Variants in TNS3 observed in about 807,000 individuals in gnomAD.
TNS3 encodes the protein tensin 3.
In TNS3, 45 loss-of-function variants were observed where a neutral mutation model predicts 140.9. The ratio of observed to expected loss-of-function variants is 0.32; its 90% confidence interval spans 0.25 to 0.41. The LOEUF is 0.41. Among genes scored for constraint, TNS3 ranks in the 10% least tolerant of loss-of-function variants. The probability of loss-of-function intolerance (pLI) is 1.00; values close to 1 mark genes in which losing one functional copy is unlikely to be tolerated. For missense variants in TNS3, 1,716 were observed against 1,906.7 expected (o/e 0.90, Z 1.86); for synonymous variants, 815 against 788.4 (o/e 1.03, Z -0.56).
At chr7:47,395,499 G>C (rs1792776829) in intron 16 of TNS3, among the ~76,000 whole-genome samples, 1 of 152,206 alleles carries the variant, frequency 6.6e-6, no homozygotes. Context: ...TGATCAAAAA[G>C]TTTGATAACT....
chr7:47,574,590 C>G (rs897278716), intron 1 of TNS3, among the ~76,000 whole-genome samples: 1 of 151,578 alleles, frequency 6.6e-6, no homozygotes, highest in African/African-American at 2.4e-5. Context: ...AGTGTATCAA[C>G]AGATGAATGG....
At chr7:47,487,057 G>A (rs1038907219) in intron 3 of TNS3, among the ~76,000 whole-genome samples, 1 of 152,178 alleles carries the variant, frequency 6.6e-6, no homozygotes, top group East Asian at 1.9e-4. Context: ...CCAGCACTTT[G>A]GGAGGCCCAG....
chr7:47,304,840 C>A lies in TNS3; in HGVS notation c.2814G>T (p.Arg938Ser). ...AAGATCCATCTTCTTACCTCTCTCT[C>A]CTCTGCCCAGGGCCGTTGCTGGAAA... ...CTISSNGPGQ[R>S]RESSSSAERQ... Residue 938 changes from arginine (R) to serine (S), a missense_variant, in exon 21 of 31, where the codon AGG becomes AGT. Coordinates refer to ENST00000311160, the MANE Select transcript of TNS3 (RefSeq NM_022748.12). 7.3e-7 allele frequency: 1 copy of A among 1,363,412 alleles called. No individual in the cohort carries two copies. 84.5% of individuals were successfully genotyped at this position (1,363,412 alleles called of 1,614,324 possible).
intron 24 of TNS3, among the ~76,000 whole-genome samples, chr7:47,295,658 G>A (rs984087729): frequency 1.3e-5 from 2 of 152,108 alleles, no homozygotes; most frequent in Non-Finnish European, 2.9e-5. Context: ...CACAGGCTTC[G>A]GGGCTGAGCT....
intron 20 of TNS3, among the ~76,000 whole-genome samples, chr7:47,338,952 C>T (rs1788787067): frequency 6.6e-6 from 1 of 152,136 alleles, no homozygotes; most frequent in African/African-American, 2.4e-5. Context: ...AATTCACATT[C>T]CCTCCAACAG....
chr7:47,510,463 G>A (rs1048200120), intron 2 of TNS3, among the ~76,000 whole-genome samples: 6 of 152,292 alleles, frequency 3.9e-5, no homozygotes, highest in South Asian at 2.1e-4. Context: ...ACTCCTAGCA[G>A]ACAAAATGCA....
At chr7:47,402,834 C>T (rs1420649982) in intron 13 of TNS3, among the ~76,000 whole-genome samples, 1 of 152,154 alleles carries the variant, frequency 6.6e-6, no homozygotes, top group Admixed American at 6.5e-5. Flanking sequence ...GCCAGTCTTG[C>T]TCTCAAATTT....
At chr7:47,506,588 G>T (rs1221440668) in intron 3 of TNS3, among the ~76,000 whole-genome samples, 3 of 152,040 alleles carry the variant, frequency 2.0e-5, no homozygotes, top group Non-Finnish European at 4.4e-5. Context: ...TCTCTCCACC[G>T]AGAGGCAGTA....
intron 17 of TNS3, among the ~76,000 whole-genome samples, chr7:47,354,604 C>T (rs984638097): frequency 6.7e-6 from 1 of 149,858 alleles, no homozygotes; most frequent in African/African-American, 2.5e-5. Flanking sequence ...AGTTCCCAGC[C>T]AGGAAAAAAA....
At chr7:47,281,754 G>C (rs150360871) in intron 28 of TNS3, among the ~76,000 whole-genome samples, 1 of 152,270 alleles carries the variant, frequency 6.6e-6, no homozygotes, top group Non-Finnish European at 1.5e-5. Context: ...CTCTGACAAG[G>C]GCACATAGAA....
intron 16 of TNS3, among the ~76,000 whole-genome samples, chr7:47,373,272 C>A (rs1402760042): frequency 6.6e-6 from 1 of 152,190 alleles, no homozygotes; most frequent in Non-Finnish European, 1.5e-5. Context: ...TCAGGCTGTT[C>A]AGTTTCCTGG....
chr7:47,537,114 C>T (rs892379073), intron 1 of TNS3, among the ~76,000 whole-genome samples: 2 of 151,844 alleles, frequency 1.3e-5, no homozygotes, highest in South Asian at 2.1e-4. Context: ...TCATGGCTGC[C>T]CCTGCCGCCC....
At chr7:47,472,425 G>C (rs1436581283) in intron 4 of TNS3, among the ~76,000 whole-genome samples, 1 of 152,208 alleles carries the variant, frequency 6.6e-6, no homozygotes, top group Admixed American at 6.5e-5. Context: ...ACTGGGAAAG[G>C]AGCCCATTGG....
rs1369816089 is a variant in TNS3 at position 47,303,603 on chromosome 7, G to A, written c.2823-19C>T. 1.3e-5 allele frequency: 20 copies of A among 1,567,240 alleles called. No individual in the cohort carries two copies. Among genetic ancestry groups the A allele is most frequent in the East Asian group, 2.3e-5 (1 of 43,380 alleles). On this transcript the variant is annotated intron_variant, in intron 21 of 30. Coordinates refer to ENST00000311160, the MANE Select transcript of TNS3 (RefSeq NM_022748.12). ...AGAGGAGCTGTTCAAAAGACAAGCC[G>A]ACCAAGACAGCATGTAAGGTACAAA...
intron 1 of TNS3, among the ~76,000 whole-genome samples, chr7:47,575,512 G>A (rs890888799): frequency 7.9e-5 from 12 of 152,100 alleles, no homozygotes; most frequent in African/African-American, 2.9e-4. Context: ...TAGTCAAAAA[G>A]CAAATTAAGA....
intron 3 of TNS3, among the ~76,000 whole-genome samples, chr7:47,502,914 AAC>A (rs1242746696): frequency 6.6e-6 from 1 of 152,196 alleles, no homozygotes; most frequent in Non-Finnish European, 1.5e-5. Context: ...CAGAGAGAGA[AAC>A]AGCAAGCTGG....
intron 20 of TNS3, among the ~76,000 whole-genome samples, chr7:47,333,049 G>C (rs1237172329): frequency 6.6e-6 from 1 of 152,088 alleles, no homozygotes; most frequent in Admixed American, 6.5e-5. Context: ...GCTGACATGG[G>C]GACACTTCCA....
At chr7:47,333,568 T>C (rs1426587551) in intron 20 of TNS3, among the ~76,000 whole-genome samples, 2 of 152,226 alleles carry the variant, frequency 1.3e-5, no homozygotes, top group Admixed American at 6.5e-5. Flanking sequence ...TACATGCCTT[T>C]GTCCCTATTA....
At chr7:47,547,571 C>T (rs1414503360) in intron 1 of TNS3, among the ~76,000 whole-genome samples, 1 of 152,032 alleles carries the variant, frequency 6.6e-6, no homozygotes, top group African/African-American at 2.4e-5. Context: ...TCCTATAGTT[C>T]CATCAGATGG....
Sources: gnomAD v4.1 joint callset for allele counts (sites outside exome capture counted in the v4.1 genomes callset) on GRCh38, gnomAD v4.1.1 for gene constraint, MANE v1.5 for transcripts, NCBI Gene and HGNC (gene_info 2026-07-23, HGNC 2026-07-21) for gene names.